Variants in ST6GALNAC3 observed in about 807,000 individuals in gnomAD.
The protein encoded by ST6GALNAC3 is alpha-N-acetylgalactosaminide alpha-2,6-sialyltransferase 3.
A neutral mutation model predicts 32.7 loss-of-function variants in ST6GALNAC3; 25 were observed. The ratio of observed to expected loss-of-function variants is 0.76; its 90% CI spans 0.56 to 1.07. The LOEUF is 1.07. Among genes scored for constraint, ST6GALNAC3 ranks in the 50% least tolerant of loss-of-function variants. The probability of loss-of-function intolerance (pLI) is 0.00; values close to 1 mark genes in which losing one functional copy is unlikely to be tolerated. For missense variants in ST6GALNAC3, 355 were observed against 382.4 expected, an observed-to-expected ratio of 0.93 and a Z score of 0.60; for synonymous variants, 129 against 133.1, an observed-to-expected ratio of 0.97 and a Z score of 0.21.
intron 1 of ST6GALNAC3, among the ~76,000 whole-genome samples, chr1:76,264,928 A>G (rs1474744635): frequency 2.7e-5 from 4 of 146,668 alleles, no homozygotes; most frequent in South Asian, 4.2e-4. Context: ...ACTAGATTAT[A>G]TTAGCTAGAG....
chr1:76,254,576 G>C (rs1362220830), intron 1 of ST6GALNAC3, among the ~76,000 whole-genome samples: 1 of 152,050 alleles, frequency 6.6e-6, no homozygotes, highest in African/African-American at 2.4e-5. Context: ...ACGATAGTTG[G>C]CTTTTAGTCT....
At chr1:76,616,885 A>G (rs983025095) in intron 3 of ST6GALNAC3, among the ~76,000 whole-genome samples, 2 of 152,204 alleles carry the variant, frequency 1.3e-5, no homozygotes, top group South Asian at 2.1e-4. Context: ...ATAGACAGGA[A>G]GTGGCTGTAA....
At chr1:76,211,596 C>T (rs2100574617) in intron 1 of ST6GALNAC3, among the ~76,000 whole-genome samples, 1 of 90,442 alleles carries the variant, frequency 1.1e-5, no homozygotes, top group South Asian at 6.5e-4. Context: ...CCATGGAATA[C>T]TATGCAGCCA....
In ST6GALNAC3 at chr1:76,120,899, A is replaced by T. The variant is rs2783662; in HGVS notation, c.18+46015A>T. Among the ~76,000 whole-genome samples the T allele has an allele frequency of 8.4e-3, 1,271 of 152,190 alleles. 21 individuals carry two copies. The highest frequency in any genetic ancestry group is 0.029 in the African/African-American group (1,219 of 41,506). On this transcript the variant is annotated intron_variant, in intron 1 of 4. Coordinates refer to ENST00000328299, the MANE Select transcript of ST6GALNAC3 (RefSeq NM_152996.4). ...TCTAATGTGGGTCAGCTGGGCTGCA[A>T]TGCTTCTGGAGTCTTCAGAGGAAAC... is the stretch of plus-strand genomic sequence containing the variant.
chr1:76,185,115 T>C (rs1653470317), intron 1 of ST6GALNAC3, among the ~76,000 whole-genome samples: 1 of 152,176 alleles, frequency 6.6e-6, no homozygotes, highest in Non-Finnish European at 1.5e-5. Flanking sequence ...AAAACCAACT[T>C]GCTCAAGGCC....
intron 1 of ST6GALNAC3, among the ~76,000 whole-genome samples, chr1:76,109,651 G>C (rs1302819070): frequency 6.6e-6 from 1 of 152,264 alleles, no homozygotes; most frequent in East Asian, 1.9e-4. Context: ...TGAGCAGAGA[G>C]TGGCAAAGGC....
chr1:76,143,874 G>A (rs1244649546), intron 1 of ST6GALNAC3, among the ~76,000 whole-genome samples: 1 of 152,122 alleles, frequency 6.6e-6, no homozygotes, highest in Non-Finnish European at 1.5e-5. Flanking sequence ...GGGGAACAGT[G>A]GGCTCTAGTG....
At chr1:76,627,413 T>G in intron 3 of ST6GALNAC3, 39 bp from the exon 4 acceptor site, 1 of 1,338,476 alleles carries the variant, frequency 7.5e-7, no homozygotes, top group Non-Finnish European at 1.1e-6. Context: ...TGTTCTGTGT[T>G]TTGTTCTGTT....
intron 1 of ST6GALNAC3, among the ~76,000 whole-genome samples, chr1:76,082,549 G>T (rs565565842): frequency 6.6e-6 from 1 of 152,178 alleles, no homozygotes; most frequent in Non-Finnish European, 1.5e-5. Flanking sequence ...GATTATCTGC[G>T]CTTTCTCTAT....
chr1:76,435,232 A>G (rs1656059283), intron 3 of ST6GALNAC3, among the ~76,000 whole-genome samples: 1 of 152,194 alleles, frequency 6.6e-6, no homozygotes, highest in South Asian at 2.1e-4. Flanking sequence ...ATATTTTAAA[A>G]TATACAACAA....
At chr1:76,528,293 T>C (rs979578520) in intron 3 of ST6GALNAC3, among the ~76,000 whole-genome samples, 1 of 152,148 alleles carries the variant, frequency 6.6e-6, no homozygotes, top group Non-Finnish European at 1.5e-5. Context: ...AGGTAGGCTC[T>C]GGGGCTATCC....
In ST6GALNAC3 at chr1:76,484,877, T is replaced by C. The variant is rs79293182; in HGVS notation, c.623+72460T>C. ...GTGGGTTTGTCATAAATAGCTCTTA[T>C]TATTTTGAGATACATCCCATCAATA... On this transcript the variant is annotated intron_variant, in intron 3 of 4. Transcript: ENST00000328299. Among the ~76,000 whole-genome samples the C allele has an allele frequency of 4.2e-3, 646 of 152,340 alleles. 3 individuals carry two copies. Among genetic ancestry groups the C allele is most frequent in the Admixed American group, 6.5e-3 (100 of 15,296 alleles).
chr1:76,420,721 C>T (rs1332488558), intron 3 of ST6GALNAC3, among the ~76,000 whole-genome samples: 6 of 152,026 alleles, frequency 3.9e-5, no homozygotes, highest in South Asian at 2.1e-4. Context: ...CTCACACATA[C>T]GTGACTGCTT....
intron 1 of ST6GALNAC3, among the ~76,000 whole-genome samples, chr1:76,260,432 A>G (rs1280309997): frequency 6.6e-6 from 1 of 152,196 alleles, no homozygotes; most frequent in Non-Finnish European, 1.5e-5. Context: ...GTCCCCAGTT[A>G]TTGAACACTT....
At chr1:76,378,591 G>A (rs1216947058) in intron 2 of ST6GALNAC3, among the ~76,000 whole-genome samples, 2 of 151,928 alleles carry the variant, frequency 1.3e-5, no homozygotes, top group East Asian at 2.0e-4. Flanking sequence ...GAACCCAGGA[G>A]GCAGAGGTTG....
intron 2 of ST6GALNAC3, among the ~76,000 whole-genome samples, chr1:76,352,497 C>CTTTT (rs397706056): frequency 2.6e-5 from 3 of 116,204 alleles, no homozygotes; most frequent in East Asian, 2.6e-4. Flanking sequence ...TTTTGGTTTC[C>CTTTT]TTTTTTTTTT....
intron 2 of ST6GALNAC3, among the ~76,000 whole-genome samples, chr1:76,347,226 TAACAATAGAGAATAA>T (rs1648597029): frequency 1.3e-5 from 2 of 152,196 alleles, no homozygotes; most frequent in South Asian, 2.1e-4. Flanking sequence ...AAATGATTTC[TAACAATAGAGAATAA>T]AACAGTAGAG....
intron 3 of ST6GALNAC3, among the ~76,000 whole-genome samples, chr1:76,494,433 AT>A (rs1660682352): frequency 3.9e-5 from 1 of 25,942 alleles, no homozygotes. Flanking sequence ...GCATGTGTAT[AT>A]ATATATATAT....
At chr1:76,585,590 A>T (rs315036) in intron 3 of ST6GALNAC3, among the ~76,000 whole-genome samples, 26,806 of 151,932 alleles carry the variant, frequency 0.18, 3,370 homozygotes, top group African/African-American at 0.36. Flanking sequence ...TGCACAGTTC[A>T]TGCTGGAACC....
Sources: allele counts gnomAD v4.1 joint callset (sites outside exome capture counted in the v4.1 genomes callset), GRCh38; gene constraint gnomAD v4.1.1; transcripts MANE v1.5; gene names NCBI Gene and HGNC (gene_info 2026-07-23, HGNC 2026-07-21).